The following UQCC2 variants were observed in gnomAD, a reference collection of about 807,000 sequenced individuals.
The protein encoded by UQCC2 is breast cancer-associated protein SGA-81M.
In UQCC2, 21 loss-of-function variants were observed where a neutral mutation model predicts 19.9. The ratio of observed to expected loss-of-function variants is 1.05; its 90% CI spans 0.75 to 1.52. UQCC2 has a LOEUF of 1.52. Among genes scored for constraint, UQCC2 ranks in the 40% most tolerant of loss-of-function variants. UQCC2 has a pLI of 0.00. For synonymous variants in UQCC2, 57 were observed against 60.9 expected, an observed-to-expected ratio of 0.94 and a Z score of 0.30; for missense variants, 135 against 157.5, an observed-to-expected ratio of 0.86 and a Z score of 0.76.
At position 33,711,450 on chromosome 6, in the gene UQCC2, G is replaced by A. The variant is rs555695205; in HGVS notation, c.138+99C>T. Reference sequence around the variant, plus strand: ...GCGCTCACGTGCTGCCTGGAAAGAGGGCGCGCGCATGCGCAGATCCCCCTG... The same window carrying A: ...GCGCTCACGTGCTGCCTGGAAAGAGAGCGCGCGCATGCGCAGATCCCCCTG... On this transcript the variant is annotated intron_variant, in intron 1 of 3. Transcript: ENST00000607484. The A allele has an allele frequency of 1.3e-5, 19 of 1,461,442 alleles. No homozygotes were observed. The African/African-American group carries it at 2.6e-4, about 20-fold the overall frequency. 90.5% of individuals were successfully genotyped at this position (1,461,442 alleles called of 1,614,324 possible).
chr6:33,702,328 A>T (rs1170922932), intron 1 of UQCC2, among the ~76,000 whole-genome samples: 2 of 145,988 alleles, frequency 1.4e-5, no homozygotes, highest in South Asian at 2.1e-4. Flanking sequence ...AGATTCTTTT[A>T]GCAAAGGCAA....
rs767061081 is a variant in UQCC2 at position 33,700,478 on chromosome 6, C to G, written c.249G>C (p.Leu83=). ...GGATCAGCTTGTACTCTTCCAACGACAGGCCACTGAAGCTGGTGTCTCTGG... is the reference window on the plus strand; with the variant it reads ...GGATCAGCTTGTACTCTTCCAACGAGAGGCCACTGAAGCTGGTGTCTCTGG... The part of the protein sequence containing the change: ...PRPRDTSFSG[L]SLEEYKLILS... Residue 83 remains leucine, a synonymous_variant, in exon 3 of 4, where the codon CTG becomes CTC. Transcript: ENST00000607484. The G allele has an allele frequency of 6.2e-7, 1 of 1,614,220 alleles. No individual in the cohort carries two copies. The highest frequency in any genetic ancestry group is 8.5e-7 in the Non-Finnish European group (1 of 1,180,042).
At position 33,701,411 on chromosome 6, in the gene UQCC2, GCTCTGCAA is replaced by G; in HGVS notation, c.140_147del (p.Val47AlafsTer2). On this transcript the variant is annotated frameshift_variant and splice_region_variant, in exon 2 of 4. Transcript: ENST00000607484. LOFTEE classifies it high-confidence loss of function. ...TCGTACATCTGATCACAGGCCTCAGGCTCTGCAACCTGAAAAGCAAAGAATCCCAAAGG... is the reference window on the plus strand; with the variant it reads ...TCGTACATCTGATCACAGGCCTCAGGCCTGAAAAGCAAAGAATCCCAAAGG... 6.2e-7 allele frequency: 1 copy of G among 1,613,452 alleles called. No homozygotes were observed. The highest frequency in any genetic ancestry group is 8.5e-7 in the Non-Finnish European group (1 of 1,179,722).
chr6:33,697,877 T>C lies in UQCC2; in HGVS notation c.284-127A>G, dbSNP rs186045179. ...TCACACAGTGTGTTCCTGAAAAAGG[T>C]GGAGACCCAGCTCCTGAAGAGCAGA... On this transcript the variant is annotated intron_variant, in intron 3 of 3. Coordinates refer to ENST00000607484, the MANE Select transcript of UQCC2 (RefSeq NM_032340.4). 1,162 of 711,412 alleles carry C rather than the reference T, an allele frequency of 1.6e-3. 7 individuals carry two copies. In the African/African-American group the frequency reaches 0.017, roughly 10 times the overall value. 44.1% of individuals were successfully genotyped at this position (711,412 alleles called of 1,614,324 possible).
chr6:33,698,108 G>A lies in UQCC2; in HGVS notation c.284-358C>T, dbSNP rs970748464. ...AACCCACAGACCCAGATGCTTCATC[G>A]CAAAATTTGGCCTGCTCCACACAGC... On this transcript the variant is annotated intron_variant, in intron 3 of 3. Coordinates refer to ENST00000607484, the MANE Select transcript of UQCC2 (RefSeq NM_032340.4). 5 of 196,382 alleles carry A rather than the reference G, an allele frequency of 2.5e-5. 1 individual carries two copies. Among genetic ancestry groups the A allele is most frequent in the Admixed American group, 1.7e-4 (3 of 18,050 alleles). The allele number at this position is 196,382 out of a possible 1,614,324, so 12.2% of individuals were successfully genotyped here. A position where few individuals can be genotyped will look rare whatever the true frequency, so the allele number is the denominator to read the frequency against.
intron 1 of UQCC2, among the ~76,000 whole-genome samples, chr6:33,704,935 T>TG (rs1346097689): frequency 1.1e-4 from 17 of 151,854 alleles, no homozygotes; most frequent in Admixed American, 2.6e-4. Context: ...AGGAGGGGCA[T>TG]GGGGGGCGGG....
chr6:33,697,935 G>C, intron 3 of UQCC2, 185 bp from the exon 4 acceptor site: 1 of 594,274 alleles, frequency 1.7e-6, no homozygotes, highest in Admixed American at 3.0e-5. Context: ...CGCTTGCGGG[G>C]ACTGAGCACT....
At chr6:33,700,220 A>T (rs1765623063) in intron 3 of UQCC2, among the ~76,000 whole-genome samples, 1 of 152,164 alleles carries the variant, frequency 6.6e-6, no homozygotes, top group South Asian at 2.1e-4. Context: ...CCCAGCCTTG[A>T]ATTTAAAAGC....
intron 3 of UQCC2, chr6:33,698,345 T>C (rs1765595529): frequency 6.5e-6 from 1 of 152,838 alleles, no homozygotes; most frequent in Admixed American, 6.5e-5. Context: ...CTCAAGCAAA[T>C]TACTTAACCC....
intron 1 of UQCC2, among the ~76,000 whole-genome samples, chr6:33,704,292 C>A (rs1765674002): frequency 6.6e-6 from 1 of 152,186 alleles, no homozygotes; most frequent in South Asian, 2.1e-4. Flanking sequence ...TGGGGCCAGG[C>A]AGGAAGTGCT....
intron 1 of UQCC2, among the ~76,000 whole-genome samples, chr6:33,705,896 A>G (rs1765692658): frequency 6.6e-6 from 1 of 152,232 alleles, no homozygotes; most frequent in Non-Finnish European, 1.5e-5. Context: ...TTGAAAAGGC[A>G]GCAGTGGGGA....
intron 1 of UQCC2, 83 bp from the exon 2 acceptor site, chr6:33,701,503 T>A: frequency 7.3e-7 from 1 of 1,374,728 alleles, no homozygotes; most frequent in Non-Finnish European, 1.0e-6. Context: ...AGACCATACT[T>A]AATAAAGCGT....
rs375517805 is a variant in UQCC2 at position 33,697,636 on chromosome 6, C to T, written c.*17G>A. On this transcript the variant is annotated 3_prime_UTR_variant, in exon 4 of 4. Transcript: ENST00000607484. ...AAGACTCCACACCTAGGTATGTGCA[C>T]GAGGTAAGGCCTGAGCTCAGGCCTT... 96 of 1,590,140 alleles carry T rather than the reference C, an allele frequency of 6.0e-5. No homozygotes were observed. Among genetic ancestry groups the T allele is most frequent in the Middle Eastern group, 1.9e-4 (1 of 5,206 alleles).
intron 2 of UQCC2, among the ~76,000 whole-genome samples, 198 bp from the exon 3 acceptor site, chr6:33,700,711 T>A (rs1411118982): frequency 6.6e-6 from 1 of 152,170 alleles, no homozygotes; most frequent in African/African-American, 2.4e-5. Flanking sequence ...CCAACTATAA[T>A]GTACCCGTGA....
At position 33,700,268 on chromosome 6, in the gene UQCC2, A is replaced by G. The variant is rs571826013; in HGVS notation, c.283+176T>C. On this transcript the variant is annotated intron_variant, in intron 3 of 3. Coordinates refer to ENST00000607484, the MANE Select transcript of UQCC2 (RefSeq NM_032340.4). ...TTTTCTTTTTTAAATAACGCCTTTGACCTTCTCCACAGTATATGGTCAAAA... is the reference window on the plus strand; with the variant it reads ...TTTTCTTTTTTAAATAACGCCTTTGGCCTTCTCCACAGTATATGGTCAAAA... Among the ~76,000 whole-genome samples, 3 of 152,258 alleles carry G rather than the reference A, an allele frequency of 2.0e-5. No individual in the cohort carries two copies. The East Asian group carries it at 5.8e-4, about 29-fold the overall frequency.
At chr6:33,706,517 G>C (rs560478175) in intron 1 of UQCC2, among the ~76,000 whole-genome samples, 1 of 152,200 alleles carries the variant, frequency 6.6e-6, no homozygotes, top group South Asian at 2.1e-4. Context: ...TGCGGAGCAC[G>C]GGCCGCTGCA....
At chr6:33,707,715 TAGAA>T (rs1362174800) in intron 1 of UQCC2, among the ~76,000 whole-genome samples, 1 of 152,238 alleles carries the variant, frequency 6.6e-6, no homozygotes, top group Non-Finnish European at 1.5e-5. Context: ...ATGAACTCAT[TAGAA>T]AGATCTGCTC....
At chr6:33,705,036 T>C (rs1765683982) in intron 1 of UQCC2, among the ~76,000 whole-genome samples, 1 of 149,562 alleles carries the variant, frequency 6.7e-6, no homozygotes, top group Non-Finnish European at 1.5e-5. Flanking sequence ...CTCACTTCTT[T>C]TTTTTTTTTT....
chr6:33,710,619 C>A (rs1176658348), intron 1 of UQCC2, among the ~76,000 whole-genome samples: 1 of 152,248 alleles, frequency 6.6e-6, no homozygotes, highest in African/African-American at 2.4e-5. Context: ...AAAGGCCCCA[C>A]TAATAACATT....
Sources: gnomAD v4.1 joint callset for allele counts (sites outside exome capture counted in the v4.1 genomes callset) on GRCh38, gnomAD v4.1.1 for gene constraint, MANE v1.5 for transcripts, NCBI Gene and HGNC (gene_info 2026-07-23, HGNC 2026-07-21) for gene names.